Variants in TMX3 observed in about 807,000 individuals in gnomAD.
TMX3 encodes protein disulfide-isomerase TMX3.
In TMX3, 40 loss-of-function variants were observed where a neutral mutation model predicts 64.4. The observed-to-expected ratio is 0.62, with a 90% CI of 0.48 to 0.81. The LOEUF (loss-of-function observed/expected upper bound fraction) is 0.81. TMX3 is among the 30% of genes least tolerant of loss of function. The pLI is 0.00. For missense variants in TMX3, 497 were observed against 534.5 expected (o/e 0.93, Z 0.69); for synonymous variants, 189 against 175.7 (o/e 1.08, Z -0.60).
At chr18:68,693,587 G>C (rs1056095978) in intron 8 of TMX3, among the ~76,000 whole-genome samples, 2 of 152,182 alleles carry the variant, frequency 1.3e-5, no homozygotes, top group Non-Finnish European at 2.9e-5. Flanking sequence ...GCGCGGCGCT[G>C]ACGTGCCAGC....
At chr18:68,681,801 C>A (rs1913463055) in intron 13 of TMX3, among the ~76,000 whole-genome samples, 1 of 152,174 alleles carries the variant, frequency 6.6e-6, no homozygotes, top group Admixed American at 6.6e-5. Flanking sequence ...ACTGGGCCCT[C>A]AATGAGGCTA....
rs1359680040 is a variant in TMX3 at position 68,715,059 on chromosome 18, G to C, written c.-78C>G. On this transcript the variant is annotated 5_prime_UTR_variant, in exon 1 of 16. Coordinates refer to ENST00000299608, the MANE Select transcript of TMX3 (RefSeq NM_019022.5). ...CTGGGGTCCGCCGCCTGCCCGCCCG[G>C]AAAGGGAAACGGAGCCGACCCGGAG... The C allele has an allele frequency of 1.9e-6, 3 of 1,547,040 alleles. No homozygotes were observed. Among genetic ancestry groups the C allele is most frequent in the Non-Finnish European group, 2.6e-6 (3 of 1,144,962 alleles).
intron 8 of TMX3, among the ~76,000 whole-genome samples, chr18:68,693,790 T>G: frequency 6.6e-6 from 1 of 152,008 alleles, no homozygotes; most frequent in East Asian, 1.9e-4. Flanking sequence ...GCCTGAAGCC[T>G]GGGGGCCAGG....
chr18:68,699,752 T>G (rs569900640), intron 6 of TMX3, among the ~76,000 whole-genome samples: 1 of 152,140 alleles, frequency 6.6e-6, no homozygotes, highest in African/African-American at 2.4e-5. Flanking sequence ...CCCATCAAAA[T>G]GTAGATTTAA....
At chr18:68,710,294 T>C (rs895153246) in intron 3 of TMX3, 150 bp from the exon 4 acceptor site, 6 of 764,894 alleles carry the variant, frequency 7.8e-6, no homozygotes, top group Non-Finnish European at 1.1e-5. Flanking sequence ...ATTTTTAAAG[T>C]AGATACATAA....
At chr18:68,682,072 G>A (rs1359778383) in intron 13 of TMX3, among the ~76,000 whole-genome samples, 1 of 152,178 alleles carries the variant, frequency 6.6e-6, no homozygotes, top group African/African-American at 2.4e-5. Flanking sequence ...TGGGGAAGGT[G>A]AGGATGGGAA....
chr18:68,702,216 T>C (rs2030172220), intron 4 of TMX3, among the ~76,000 whole-genome samples: 1 of 150,538 alleles, frequency 6.6e-6, no homozygotes, highest in African/African-American at 2.4e-5. Context: ...ATCTCTTCTT[T>C]TAGTGTTTTT....
chr18:68,691,545 T>C (rs1233528364), intron 8 of TMX3, among the ~76,000 whole-genome samples, 184 bp from the exon 9 acceptor site: 6 of 152,222 alleles, frequency 3.9e-5, no homozygotes, highest in African/African-American at 1.4e-4. Context: ...TCTGAATCTT[T>C]TTATATATCC....
Position 68,691,369 on chromosome 18 carries a change from A to G in TMX3, c.571-8T>C. Reference sequence around the variant, plus strand: ...CTCTTTTAGTGTCACATACTGCAAAAAATCAGAAGTTTAAATAACTTTTAT... The same window carrying G: ...CTCTTTTAGTGTCACATACTGCAAAGAATCAGAAGTTTAAATAACTTTTAT... On this transcript the variant is annotated splice_region_variant and splice_polypyrimidine_tract_variant and intron_variant, in intron 8 of 15. Coordinates refer to ENST00000299608, the MANE Select transcript of TMX3 (RefSeq NM_019022.5). The G allele has an allele frequency of 6.7e-7, 1 of 1,489,696 alleles. No individual in the cohort carries two copies. Among genetic ancestry groups the G allele is most frequent in the Non-Finnish European group, 9.0e-7 (1 of 1,111,646 alleles). The allele number at this position is 1,489,696 out of a possible 1,614,324, so 92.3% of individuals were successfully genotyped here. A position where few individuals can be genotyped will look rare whatever the true frequency, so the allele number is the denominator to read the frequency against.
At position 68,690,799 on chromosome 18, in the gene TMX3, G is replaced by C. The variant is rs1373500265; in HGVS notation, c.637+496C>G. 3.9e-5 allele frequency among the ~76,000 whole-genome samples: 6 copies of C among 152,112 alleles called. No individual in the cohort carries two copies. In the East Asian group the frequency reaches 9.6e-4, roughly 24 times the overall value. ...ATTCTCTTTACTACGATGTATGTTT[G>C]ATATTACAATTACAATATTTTAAAA... On this transcript the variant is annotated intron_variant, in intron 9 of 15. Transcript: ENST00000299608.
intron 8 of TMX3, among the ~76,000 whole-genome samples, chr18:68,694,551 G>A (rs954252676): frequency 3.9e-5 from 6 of 152,112 alleles, no homozygotes; most frequent in East Asian, 1.9e-4. Context: ...GATCTGGGCC[G>A]GTAGCATGAG....
intron 8 of TMX3, among the ~76,000 whole-genome samples, chr18:68,696,447 C>T (rs1299391616): frequency 6.6e-6 from 1 of 152,030 alleles, no homozygotes; most frequent in Admixed American, 6.5e-5. Flanking sequence ...GCTGGGATTA[C>T]AAGCGTAAGC....
At chr18:68,693,235 AG>A (rs1464333417) in intron 8 of TMX3, among the ~76,000 whole-genome samples, 1 of 152,112 alleles carries the variant, frequency 6.6e-6, no homozygotes, top group East Asian at 1.9e-4. Flanking sequence ...CGCGAATGCC[AG>A]CTGCAGCAGG....
intron 12 of TMX3, 86 bp from the exon 13 acceptor site, chr18:68,683,067 A>T: frequency 7.9e-7 from 1 of 1,266,926 alleles, no homozygotes; most frequent in Non-Finnish European, 1.1e-6. Flanking sequence ...ATAGTAAAAA[A>T]GTAAATAAAA....
At chr18:68,680,445 TA>T (rs1913308264) in intron 14 of TMX3, among the ~76,000 whole-genome samples, 1 of 152,162 alleles carries the variant, frequency 6.6e-6, no homozygotes, top group Non-Finnish European at 1.5e-5. Flanking sequence ...AAATTAAGAC[TA>T]TTCACTTATT....
chr18:68,692,383 GT>G (rs1914612280), intron 8 of TMX3, among the ~76,000 whole-genome samples: 1 of 151,954 alleles, frequency 6.6e-6, no homozygotes, highest in African/African-American at 2.4e-5. Context: ...TTCCTCTCCC[GT>G]GTGTTTTTTT....
intron 7 of TMX3, 22 bp downstream of exon 7, chr18:68,697,910 G>A: frequency 2.0e-6 from 3 of 1,484,202 alleles, no homozygotes; most frequent in Non-Finnish European, 2.8e-6. Context: ...ATCTGTTTTT[G>A]TGGATTAAAA....
chr18:68,687,812 TAA>T, intron 9 of TMX3, 47 bp from the exon 10 acceptor site: 1 of 1,429,710 alleles, frequency 7.0e-7, no homozygotes, highest in Non-Finnish European at 9.7e-7. Context: ...AATATGAATT[TAA>T]GAGTTATAAT....
intron 8 of TMX3, 167 bp downstream of exon 8, chr18:68,697,059 G>A (rs1915158369): frequency 2.1e-6 from 1 of 469,376 alleles, no homozygotes; most frequent in Admixed American, 3.9e-5. Context: ...TCTAATACCA[G>A]TAGTAAAGAA....
Sources: allele counts gnomAD v4.1 joint callset (sites outside exome capture counted in the v4.1 genomes callset), GRCh38; gene constraint gnomAD v4.1.1; transcripts MANE v1.5; gene names NCBI Gene and HGNC (gene_info 2026-07-23, HGNC 2026-07-21).